CNTNAP2: variants seen among roughly 807,000 people sequenced by gnomAD.
CNTNAP2 encodes the protein contactin associated protein 2.
Under a neutral mutation model 155.2 loss-of-function variants are expected in CNTNAP2, and 98 were observed. The ratio of observed to expected loss-of-function variants is 0.63; its 90% CI spans 0.54 to 0.75. The LOEUF is 0.75. Ranked by LOEUF, CNTNAP2 falls within the 30% of genes least tolerant of loss-of-function variation. The probability of loss-of-function intolerance (pLI) is 0.00; values close to 1 mark genes in which losing one functional copy is unlikely to be tolerated. For missense variants in CNTNAP2, 1,727 were observed against 1,688.1 expected (o/e 1.02, Z -0.40); for synonymous variants, 651 against 631.2 (o/e 1.03, Z -0.47).
intron 2 of CNTNAP2, among the ~76,000 whole-genome samples, chr7:146,834,591 G>A (rs1302485146): frequency 6.6e-6 from 1 of 152,094 alleles, no homozygotes; most frequent in Non-Finnish European, 1.5e-5. Context: ...ATTGTTTCGA[G>A]ACTAGCAAGA....
At chr7:147,383,312 T>C (rs1247718469) in intron 9 of CNTNAP2, among the ~76,000 whole-genome samples, 1 of 152,162 alleles carries the variant, frequency 6.6e-6, no homozygotes, top group Admixed American at 6.5e-5. Flanking sequence ...AACCAATATA[T>C]ATTATGTTTT....
chr7:148,388,761 T>C (rs1265639420), intron 22 of CNTNAP2, among the ~76,000 whole-genome samples: 3 of 152,178 alleles, frequency 2.0e-5, no homozygotes, highest in Non-Finnish European at 4.4e-5. Flanking sequence ...GACAGGACCC[T>C]CAGCTGCAGG....
chr7:146,466,317 A>G (rs1032701987), intron 1 of CNTNAP2, among the ~76,000 whole-genome samples: 2 of 152,140 alleles, frequency 1.3e-5, no homozygotes, highest in African/African-American at 2.4e-5. Flanking sequence ...CAGCTTTCAA[A>G]TAAGTTTTTG....
intron 3 of CNTNAP2, among the ~76,000 whole-genome samples, chr7:146,851,605 G>A (rs997606742): frequency 2.6e-5 from 4 of 151,220 alleles, no homozygotes; most frequent in African/African-American, 4.9e-5. Flanking sequence ...TCCTTGGCTC[G>A]CAGGTGGTTA....
chr7:147,386,544 G>T (rs150939740), intron 9 of CNTNAP2, among the ~76,000 whole-genome samples: 1 of 152,086 alleles, frequency 6.6e-6, no homozygotes, highest in Non-Finnish European at 1.5e-5. Flanking sequence ...AATGCCACCC[G>T]TCTCTGCTAA....
chr7:147,694,456 A>G (rs1036958817), intron 13 of CNTNAP2, among the ~76,000 whole-genome samples: 2 of 152,144 alleles, frequency 1.3e-5, no homozygotes, highest in African/African-American at 2.4e-5. Flanking sequence ...AAATTTACCA[A>G]TAAGTTGATC....
At chr7:146,396,786 C>A (rs1420745268) in intron 1 of CNTNAP2, among the ~76,000 whole-genome samples, 2 of 150,724 alleles carry the variant, frequency 1.3e-5, no homozygotes, top group Non-Finnish European at 2.9e-5. Context: ...TACTAGCATG[C>A]TAAATATTTT....
At chr7:147,690,991 A>T (rs919019980) in intron 13 of CNTNAP2, among the ~76,000 whole-genome samples, 1 of 152,110 alleles carries the variant, frequency 6.6e-6, no homozygotes, top group Non-Finnish European at 1.5e-5. Flanking sequence ...ACTGGCTTTT[A>T]AGTCCAAATC....
At chr7:147,468,826 C>T (rs1041201530) in intron 10 of CNTNAP2, among the ~76,000 whole-genome samples, 17 of 56,578 alleles carry the variant, frequency 3.0e-4, no homozygotes, top group South Asian at 1.0e-3. Context: ...TTTCTTTTTT[C>T]TTCTTCTTCT....
chr7:147,662,949 T>A (rs1333740668), intron 13 of CNTNAP2, among the ~76,000 whole-genome samples: 1 of 152,230 alleles, frequency 6.6e-6, no homozygotes, highest in Non-Finnish European at 1.5e-5. Context: ...TTACTTAGTT[T>A]TAGAGCGTGA....
At chr7:148,172,633 A>G (rs2116691495) in intron 18 of CNTNAP2, among the ~76,000 whole-genome samples, 155 bp downstream of exon 18, 1 of 152,318 alleles carries the variant, frequency 6.6e-6, no homozygotes, top group East Asian at 1.9e-4. Context: ...TTTCCAACCA[A>G]AATCATTTCC....
intron 2 of CNTNAP2, among the ~76,000 whole-genome samples, chr7:146,813,357 A>G (rs1803103759): frequency 6.6e-6 from 1 of 152,140 alleles, no homozygotes. Context: ...TGGGAGCCCA[A>G]CTCTTGCATC....
intron 8 of CNTNAP2, among the ~76,000 whole-genome samples, chr7:147,151,357 T>G (rs568467231): frequency 1.3e-5 from 2 of 152,250 alleles, no homozygotes; most frequent in African/African-American, 4.8e-5. Flanking sequence ...TAATTACTCT[T>G]TTGTAATGTT....
chr7:147,395,532 G>T, intron 9 of CNTNAP2, 77 bp from the exon 10 acceptor site: 1 of 1,413,818 alleles, frequency 7.1e-7, no homozygotes, highest in Non-Finnish European at 1.0e-6. Flanking sequence ...GCTGTGGCCA[G>T]GTAGAATACC....
At chr7:146,339,793 T>C (rs977431298) in intron 1 of CNTNAP2, among the ~76,000 whole-genome samples, 1 of 152,104 alleles carries the variant, frequency 6.6e-6, no homozygotes, top group African/African-American at 2.4e-5. Context: ...TTTTACTCTT[T>C]TCGTGCAATG....
At chr7:146,327,304 G>A (rs185105850) in intron 1 of CNTNAP2, among the ~76,000 whole-genome samples, 50 of 152,240 alleles carry the variant, frequency 3.3e-4, no homozygotes, top group African/African-American at 1.2e-3. Flanking sequence ...ATAACTGTTT[G>A]TATACAATGA....
At chr7:147,396,831 G>A (rs1226558589) in intron 10 of CNTNAP2, among the ~76,000 whole-genome samples, 1 of 151,808 alleles carries the variant, frequency 6.6e-6, no homozygotes, top group African/African-American at 2.4e-5. Context: ...TTGTGTTTAG[G>A]GAAGATGAAA....
chr7:148,205,203 G>A (rs969822890), intron 18 of CNTNAP2, among the ~76,000 whole-genome samples: 40 of 152,338 alleles, frequency 2.6e-4, no homozygotes, highest in African/African-American at 9.4e-4. Context: ...GAGAAAATAA[G>A]GAATATGCAG....
chr7:147,973,729 G>A (rs1160436356), intron 14 of CNTNAP2, among the ~76,000 whole-genome samples: 1 of 152,100 alleles, frequency 6.6e-6, no homozygotes, highest in Non-Finnish European at 1.5e-5. Flanking sequence ...TTACATAGTG[G>A]TGTTTTGGCT....
Sources: gnomAD v4.1 joint callset for allele counts (sites outside exome capture counted in the v4.1 genomes callset) on GRCh38, gnomAD v4.1.1 for gene constraint, MANE v1.5 for transcripts, NCBI Gene and HGNC (gene_info 2026-07-23, HGNC 2026-07-21) for gene names.